Variants in TPRG1 observed in about 807,000 individuals in gnomAD.
TPRG1 encodes tumor protein p63-regulated gene 1 protein.
In TPRG1, 29 loss-of-function variants were observed where a neutral mutation model predicts 29.3. The ratio of observed to expected loss-of-function variants is 0.99; its 90% confidence interval spans 0.74 to 1.35. TPRG1 has a LOEUF of 1.35. Ranked by LOEUF, TPRG1 falls within the 40% of genes most tolerant of loss-of-function variation. The pLI, the probability that TPRG1 is intolerant of heterozygous loss-of-function variation, is 0.00. For synonymous variants in TPRG1, 130 were observed against 116.8 expected, an observed-to-expected ratio of 1.11 and a Z score of -0.73; for missense variants, 327 against 335.0, an observed-to-expected ratio of 0.98 and a Z score of 0.19.
At chr3:189,303,572 C>T (rs772911688) in intron 4 of TPRG1, among the ~76,000 whole-genome samples, 1 of 152,060 alleles carries the variant, frequency 6.6e-6, no homozygotes, top group Non-Finnish European at 1.5e-5. Context: ...GAGCTTACTA[C>T]CATAACATGT....
chr3:189,013,723 T>C (rs1253258668), intron 3 of TPRG1, among the ~76,000 whole-genome samples: 1 of 152,200 alleles, frequency 6.6e-6, no homozygotes, highest in Non-Finnish European at 1.5e-5. Context: ...TGCATAAATA[T>C]TTAGGGTAGT....
chr3:189,110,310 A>T (rs987132834), intron 1 of TPRG1, among the ~76,000 whole-genome samples: 2 of 152,192 alleles, frequency 1.3e-5, no homozygotes, highest in Non-Finnish European at 2.9e-5. Context: ...ACAGTATCTC[A>T]TTGTGACTTT....
At chr3:189,263,598 G>C (rs1713528817) in intron 4 of TPRG1, among the ~76,000 whole-genome samples, 1 of 152,188 alleles carries the variant, frequency 6.6e-6, no homozygotes, top group Non-Finnish European at 1.5e-5. Context: ...AAACTGTGGG[G>C]ACATCTCTGG....
chr3:189,280,159 AAACAAC>A (rs1716865797), intron 4 of TPRG1, among the ~76,000 whole-genome samples: 2 of 152,256 alleles, frequency 1.3e-5, no homozygotes, highest in South Asian at 4.1e-4. Context: ...GCCCTGTTGT[AAACAAC>A]AGGACTAGCA....
intron 3 of TPRG1, among the ~76,000 whole-genome samples, chr3:189,012,172 G>A (rs759998774): frequency 3.3e-5 from 5 of 152,142 alleles, no homozygotes; most frequent in African/African-American, 9.7e-5. Context: ...ATACTATGTT[G>A]AATAGGAGTA....
intron 4 of TPRG1, among the ~76,000 whole-genome samples, chr3:189,092,604 A>C (rs1178089686): frequency 6.6e-6 from 1 of 151,856 alleles, no homozygotes; most frequent in Non-Finnish European, 1.5e-5. Context: ...TTGCTTATCT[A>C]TTGCTGTGAC....
intron 3 of TPRG1, 165 bp from the exon 4 acceptor site, chr3:189,238,568 G>A (rs1013638409): frequency 4.1e-6 from 2 of 487,928 alleles, no homozygotes; most frequent in African/African-American, 2.0e-5. Context: ...TTAGTCATGG[G>A]ACCAGACTGA....
chr3:189,190,831 A>T (rs1033607661), intron 1 of TPRG1: 1 of 287,520 alleles, frequency 3.5e-6, no homozygotes, highest in African/African-American at 2.3e-5. Context: ...TCTTTCATTA[A>T]TCTTTCCCTG....
intron 1 of TPRG1, among the ~76,000 whole-genome samples, chr3:189,193,071 T>C (rs910166055): frequency 6.6e-6 from 1 of 152,052 alleles, no homozygotes; most frequent in African/African-American, 2.4e-5. Context: ...GATTCTCTTA[T>C]ATGTGACTTG....
In TPRG1 at chr3:189,093,452, T is replaced by C. The variant is rs561459346; in HGVS notation, c.-462-33605T>C. Among the ~76,000 whole-genome samples the C allele has an allele frequency of 7.9e-5, 12 of 152,194 alleles. 1 individual carries two copies. The highest frequency in any genetic ancestry group is 1.5e-4 in the Non-Finnish European group (10 of 68,026). On this transcript the variant is annotated intron_variant, in intron 4 of 10. Transcript: ENST00000433971. ...TTCTAAACAGGCAGATTTTCATAAA[T>C]TTATTGGAGAGACATCTTGTTCTGT... is the stretch of plus-strand genomic sequence containing the variant.
chr3:189,307,210 A>C (rs1577023261), intron 4 of TPRG1, among the ~76,000 whole-genome samples: 1 of 152,078 alleles, frequency 6.6e-6, no homozygotes, highest in African/African-American at 2.4e-5. Flanking sequence ...TTTAGTAGAG[A>C]TGGGAGTCTC....
chr3:189,246,274 C>T (rs966826109), intron 4 of TPRG1, among the ~76,000 whole-genome samples: 1 of 152,154 alleles, frequency 6.6e-6, no homozygotes, highest in East Asian at 1.9e-4. Flanking sequence ...TAAGGCCTCC[C>T]CAGCCACTTA....
At position 189,314,568 on chromosome 3, in the gene TPRG1, T is replaced by C. The variant is rs924691390; in HGVS notation, c.633+4029T>C. Among the ~76,000 whole-genome samples the C allele has an allele frequency of 1.2e-4, 18 of 152,322 alleles. No individual in the cohort carries two copies. In the South Asian group the frequency reaches 2.1e-3, roughly 18 times the overall value. On this transcript the variant is annotated intron_variant, in intron 5 of 5. Coordinates refer to ENST00000345063, the MANE Select transcript of TPRG1 (RefSeq NM_198485.4). The stretch of plus-strand genomic sequence containing the variant: ...TGGCCTTTTCCCAGACAGTCTTGCT[T>C]ATCTCCCTGCTTCACCAAACTTTTC...
intron 4 of TPRG1, among the ~76,000 whole-genome samples, chr3:189,292,542 A>G (rs1007425496): frequency 7.1e-4 from 108 of 152,266 alleles, no homozygotes; most frequent in African/African-American, 2.5e-3. Flanking sequence ...AGATTAACAG[A>G]AATAACAGAA....
intron 4 of TPRG1, among the ~76,000 whole-genome samples, chr3:189,057,666 A>G (rs1320314640): frequency 2.0e-5 from 3 of 151,082 alleles, no homozygotes; most frequent in Admixed American, 1.3e-4. Context: ...AAACACCAGA[A>G]GTAAATGACT....
At chr3:189,123,343 T>A (rs1026727761) in intron 1 of TPRG1, among the ~76,000 whole-genome samples, 5 of 152,188 alleles carry the variant, frequency 3.3e-5, no homozygotes, top group Admixed American at 6.5e-5. Flanking sequence ...AATAGCTGAA[T>A]ATTGGTGCAA....
Position 189,193,132 on chromosome 3 carries a change from A to ATTTTTTT in TPRG1, c.-9-14229_-9-14223dup, listed in dbSNP as rs555964454. Among the ~76,000 whole-genome samples the ATTTTTTT allele has an allele frequency of 8.0e-4, 72 of 90,238 alleles. 1 individual carries two copies. Among genetic ancestry groups the ATTTTTTT allele is most frequent in the East Asian group, 1.5e-3 (4 of 2,594 alleles). The allele number at this position is 90,238 out of a possible 152,430, so 59.2% of individuals were successfully genotyped here. On this transcript the variant is annotated intron_variant, in intron 1 of 5. Coordinates refer to ENST00000345063, the MANE Select transcript of TPRG1 (RefSeq NM_198485.4). ...ATTCTCTCTTTGTTTTTGACTTTTA[A>ATTTTTTT]TTTTTTTTTTTTTTTTTTTTTGAGA...
intron 1 of TPRG1, among the ~76,000 whole-genome samples, chr3:189,183,238 A>G (rs1730475062): frequency 6.6e-6 from 1 of 152,194 alleles, no homozygotes; most frequent in African/African-American, 2.4e-5. Flanking sequence ...CCACAGAACC[A>G]GCAAGTTTTT....
chr3:189,279,745 A>G (rs572768605), intron 4 of TPRG1, among the ~76,000 whole-genome samples: 2 of 152,174 alleles, frequency 1.3e-5, no homozygotes, highest in African/African-American at 2.4e-5. Flanking sequence ...GCATAAACTA[A>G]TTTATCAGGA....
Sources: gnomAD v4.1 joint callset for allele counts (sites outside exome capture counted in the v4.1 genomes callset) on GRCh38, gnomAD v4.1.1 for gene constraint, MANE v1.5 for transcripts, NCBI Gene and HGNC (gene_info 2026-07-23, HGNC 2026-07-21) for gene names.